Variants in REEP4 observed in about 807,000 individuals in gnomAD.
The protein encoded by REEP4 is receptor expression-enhancing protein 4.
In REEP4, 17 loss-of-function variants were observed where a neutral mutation model predicts 33.5. That is an observed-to-expected ratio of 0.51 (90% CI 0.35 to 0.76). The LOEUF (loss-of-function observed/expected upper bound fraction) is 0.76, where lower values mean the gene tolerates loss of function less well. Ranked by LOEUF, REEP4 falls within the 30% of genes least tolerant of loss-of-function variation. REEP4 has a pLI of 0.01. For synonymous variants in REEP4, 157 were observed against 142.9 expected (o/e 1.10, Z -0.70); for missense variants, 340 against 357.9 (o/e 0.95, Z 0.40).
chr8:22,141,223 G>A (rs570592798), intron 1 of REEP4, among the ~76,000 whole-genome samples: 10 of 152,264 alleles, frequency 6.6e-5, no homozygotes, highest in Non-Finnish European at 1.5e-4. Context: ...TGTTTGCAGT[G>A]TGTGTGGCGT....
chr8:22,138,360 G>T lies in REEP4; in HGVS notation c.*127C>A. 1.8e-6 allele frequency: 2 copies of T among 1,097,650 alleles called. No individual in the cohort carries two copies. The highest frequency in any genetic ancestry group is 1.4e-6 in the Non-Finnish European group (1 of 735,438). 68.0% of individuals were successfully genotyped at this position (1,097,650 alleles called of 1,614,324 possible). On this transcript the variant is annotated 3_prime_UTR_variant, in exon 8 of 8. Coordinates refer to ENST00000306306, the MANE Select transcript of REEP4 (RefSeq NM_025232.4). ...ATCTGCTCCCGGCCCTTAACCATCA[G>T]CAGGAGTCAGGAGGGTGGGGCCCAG...
chr8:22,138,511 A>G lies in REEP4; in HGVS notation c.750T>C (p.Thr250=), dbSNP rs1291287791. 1 of 1,613,894 alleles carries G rather than the reference A, an allele frequency of 6.2e-7. No individual in the cohort carries two copies. The highest frequency in any genetic ancestry group is 1.7e-5 in the Admixed American group (1 of 60,032). ...RSLKVRTRKK[T]VPSDVDS The stretch of plus-strand genomic sequence containing the variant: ...CCTAGCTGTCCACGTCTGAGGGCAC[A>G]GTCTTTTTCCTCGTCCGAACCTTCA... Residue 250 remains threonine, a synonymous_variant, in exon 8 of 8, where the codon ACT becomes ACC. Transcript: ENST00000306306.
At position 22,138,759 on chromosome 8, in the gene REEP4, G is replaced by C. The variant is rs112232305; in HGVS notation, c.588C>G (p.Thr196=). 2.5e-6 allele frequency: 4 copies of C among 1,608,954 alleles called. No homozygotes were observed. Among genetic ancestry groups the C allele is most frequent in the Non-Finnish European group, 3.4e-6 (4 of 1,178,568 alleles). Residue 196 remains threonine, a synonymous_variant, in exon 7 of 8, where the codon ACC becomes ACG. Transcript: ENST00000306306. ...CAGTATCTGACCAACACTCATCCTC[G>C]GTGTCGCTGTCCTGCAGGCCCCCGG... ...YRAGGLQDSD[T]EDECWSDTEA...
chr8:22,141,243 G>T (rs7010892), intron 1 of REEP4, among the ~76,000 whole-genome samples: 1,721 of 152,366 alleles, frequency 0.011, 25 homozygotes, highest in African/African-American at 0.04. Context: ...TGCGGCAGGG[G>T]TCGTTCTCAG....
intron 2 of REEP4, 110 bp from the exon 3 acceptor site, chr8:22,140,358 T>A: frequency 1.8e-6 from 2 of 1,110,880 alleles, no homozygotes; most frequent in South Asian, 2.6e-5. Context: ...ATAGCTGCTT[T>A]CCCCCACACA....
In REEP4 at chr8:22,139,973, C is replaced by A. The variant is rs199643121; in HGVS notation, c.293G>T (p.Arg98Leu). ...TTCCCCCTGGGGTACCTTCTCATGG[C>A]GGGACAGGGACGGGTGGACAAACTT... ...YRKFVHPSLS[R>L]HEKEIDAYIV... Residue 98 changes from arginine to leucine, a missense_variant, in exon 4 of 8, where the codon CGC becomes CTC. By Grantham distance (102) the Arg-to-Leu change is moderately radical (BLOSUM62 -2). Coordinates refer to ENST00000306306, the MANE Select transcript of REEP4 (RefSeq NM_025232.4). 3 of 1,578,038 alleles carry A rather than the reference C, an allele frequency of 1.9e-6. No individual in the cohort carries two copies. The highest frequency in any genetic ancestry group is 4.7e-5 in the East Asian group (2 of 42,726).
Position 22,138,380 on chromosome 8 carries a change from G to T in REEP4, c.*107C>A. The T allele has an allele frequency of 3.0e-6, 4 of 1,331,450 alleles. No homozygotes were observed. The highest frequency in any genetic ancestry group is 4.3e-6 in the Non-Finnish European group (4 of 940,786). 82.5% of individuals were successfully genotyped at this position (1,331,450 alleles called of 1,614,324 possible). ...CATCAGCAGGAGTCAGGAGGGTGGG[G>T]CCCAGGCAGCTGGTGCAGGCAGGCC... On this transcript the variant is annotated 3_prime_UTR_variant, in exon 8 of 8. Coordinates refer to ENST00000306306, the MANE Select transcript of REEP4 (RefSeq NM_025232.4).
chr8:22,139,712 A>G (rs1384158298), intron 4 of REEP4, 183 bp from the exon 5 acceptor site: 1 of 668,572 alleles, frequency 1.5e-6, no homozygotes, highest in African/African-American at 1.8e-5. Flanking sequence ...TCACACCTCC[A>G]TGAGTGGCCA....
rs750742377 is a variant in REEP4, at chr8:22,138,946, G to A, written c.533C>T (p.Ser178Phe). Residue 178 changes from serine to phenylalanine, a missense_variant, in exon 6 of 8, where the codon TCC becomes TTC. Transcript: ENST00000306306. ...CTCACCAATGGGTGGCCTCCGGTGG[G>A]ACACCTGGTCCTCCAGGTAGAGGGG... ...HDPLYLEDQVSHRRPPIGYRA... is the reference protein window; with the variant it reads ...HDPLYLEDQVFHRRPPIGYRA... The A allele has an allele frequency of 6.3e-7, 1 of 1,596,380 alleles. No individual in the cohort carries two copies. The highest frequency in any genetic ancestry group is 1.1e-5 in the South Asian group (1 of 88,450).
At chr8:22,140,538 G>T in intron 2 of REEP4, 87 bp downstream of exon 2, 1 of 1,176,400 alleles carries the variant, frequency 8.5e-7, no homozygotes, top group Non-Finnish European at 1.2e-6. Context: ...GTGCCACACA[G>T]CCTTGCCCCT....
rs770498333 is a variant in REEP4 at position 22,139,445 on chromosome 8, C to T, written c.388G>A (p.Ala130Thr). Residue 130 changes from alanine to threonine, a missense_variant, in exon 5 of 8, where the codon GCC becomes ACC. Physicochemically the swap from Ala to Thr is moderately conservative, Grantham distance 58 (BLOSUM62 0). Coordinates refer to ENST00000306306, the MANE Select transcript of REEP4 (RefSeq NM_025232.4). ...SFGKRGLNIAASAAVQAATKS... is the reference protein window; with the variant it reads ...SFGKRGLNIATSAAVQAATKS... ...GTGGCAGCCTGCACAGCAGCGGAGGCGGCAATGTTGAGGCCCCGCTTCCCG... is the reference window on the plus strand; with the variant it reads ...GTGGCAGCCTGCACAGCAGCGGAGGTGGCAATGTTGAGGCCCCGCTTCCCG... 5 of 1,608,558 alleles carry T rather than the reference C, an allele frequency of 3.1e-6. No homozygotes were observed. Among genetic ancestry groups the T allele is most frequent in the Non-Finnish European group, 3.4e-6 (4 of 1,179,696 alleles).
In REEP4 at chr8:22,138,619, T is replaced by A. The variant is rs367605664; in HGVS notation, c.708+20A>T. ...CAGCCAGCAGAGCCCTCCTCCCTCC[T>A]GTCGTCCTCCCACACTGACCTCCCG... On this transcript the variant is annotated intron_variant, in intron 7 of 7. Coordinates refer to ENST00000306306, the MANE Select transcript of REEP4 (RefSeq NM_025232.4). The A allele has an allele frequency of 6.2e-7, 1 of 1,613,824 alleles. No homozygotes were observed. The highest frequency in any genetic ancestry group is 1.3e-5 in the African/African-American group (1 of 74,934).
rs1418250818 is a variant in REEP4, at chr8:22,138,771, C to G, written c.576G>C (p.Gln192His). 9 of 1,607,284 alleles carry G rather than the reference C, an allele frequency of 5.6e-6. No individual in the cohort carries two copies. The highest frequency in any genetic ancestry group is 7.6e-6 in the Non-Finnish European group (9 of 1,177,936). Residue 192 changes from glutamine to histidine, a missense_variant, in exon 7 of 8, where the codon CAG (glutamine) becomes CAC (histidine). Physicochemically the swap from Gln to His is conservative, Grantham distance 24. Transcript: ENST00000306306. Reference protein sequence around the residue: ...PPIGYRAGGLQDSDTEDECWS... With the variant: ...PPIGYRAGGLHDSDTEDECWS... ...AACACTCATCCTCGGTGTCGCTGTC[C>G]TGCAGGCCCCCGGCCCGGTACCCTG... is the stretch of plus-strand genomic sequence containing the variant.
intron 4 of REEP4, 51 bp downstream of exon 4, chr8:22,139,911 CT>C: frequency 1.3e-6 from 2 of 1,550,522 alleles, no homozygotes; most frequent in Admixed American, 1.9e-5. Context: ...GTCCAGGGCT[CT>C]TTCCCTCATA....
chr8:22,141,178 G>A (rs1230247325), intron 1 of REEP4, among the ~76,000 whole-genome samples: 1 of 152,280 alleles, frequency 6.6e-6, no homozygotes, highest in Non-Finnish European at 1.5e-5. Context: ...CCAAGGGGCA[G>A]CAAGGTAGGC....
In REEP4 at chr8:22,139,457, G is replaced by T; in HGVS notation, c.376C>A (p.Leu126Ile). The change falls in exon 5 of 8, where the codon CTC (leucine) becomes ATC (isoleucine). Residue 126 changes from leucine (L) to isoleucine (I), a missense_variant. Leu to Ile is a conservative substitution (Grantham distance 5). Transcript: ENST00000306306. ...ETVLSFGKRG[L>I]NIAASAAVQA... is the part of the protein sequence containing the mutation. ...ACAGCAGCGGAGGCGGCAATGTTGA[G>T]GCCCCGCTTCCCGAAGCTGAGCACG... The T allele has an allele frequency of 6.2e-7, 1 of 1,609,660 alleles. No individual in the cohort carries two copies. Among genetic ancestry groups the T allele is most frequent in the Non-Finnish European group, 8.5e-7 (1 of 1,179,856 alleles).
chr8:22,138,764 C>CGCTGTCCT lies in REEP4; in HGVS notation c.575_582dup (p.Asp195ArgfsTer28), dbSNP rs1563198950. ...TCTGACCAACACTCATCCTCGGTGT[C>CGCTGTCCT]GCTGTCCTGCAGGCCCCCGGCCCGG... On this transcript the variant is annotated frameshift_variant, in exon 7 of 8. Transcript: ENST00000306306. LOFTEE classifies it high-confidence loss of function. 6.2e-7 allele frequency: 1 copy of CGCTGTCCT among 1,608,104 alleles called. No homozygotes were observed. Among genetic ancestry groups the CGCTGTCCT allele is most frequent in the East Asian group, 2.2e-5 (1 of 44,834 alleles).
chr8:22,138,352 A>G lies in REEP4; in HGVS notation c.*135T>C, dbSNP rs1827162151. The G allele has an allele frequency of 9.7e-7, 1 of 1,031,938 alleles. No homozygotes were observed. The highest frequency in any genetic ancestry group is 1.5e-6 in the Non-Finnish European group (1 of 678,248). 63.9% of individuals were successfully genotyped at this position (1,031,938 alleles called of 1,614,324 possible). A position where few individuals can be genotyped will look rare whatever the true frequency, so the allele number is the denominator to read the frequency against. On this transcript the variant is annotated 3_prime_UTR_variant, in exon 8 of 8. Transcript: ENST00000306306. ...TTGGCAGCATCTGCTCCCGGCCCTT[A>G]ACCATCAGCAGGAGTCAGGAGGGTG... is the stretch of plus-strand genomic sequence containing the variant.
rs761400910 is a variant in REEP4, at chr8:22,141,466, A to G, written c.17T>C (p.Ile6Thr). Residue 6 changes from isoleucine to threonine, a missense_variant, in exon 1 of 8, where the codon ATC becomes ACC. Transcript: ENST00000306306. ...CCATACTCACACCACCAGGCGACAG[A>G]TCATCCAGGACACCATCTTGCCGGC... MVSWM[I>T]CRLVVLVFGM... 1 of 1,599,960 alleles carries G rather than the reference A, an allele frequency of 6.3e-7. No homozygotes were observed. Among genetic ancestry groups the G allele is most frequent in the Non-Finnish European group, 8.5e-7 (1 of 1,174,046 alleles).
Sources: allele counts gnomAD v4.1 joint callset (sites outside exome capture counted in the v4.1 genomes callset), GRCh38; gene constraint gnomAD v4.1.1; transcripts MANE v1.5; gene names NCBI Gene and HGNC (gene_info 2026-07-23, HGNC 2026-07-21).